The following MYO5B variants were observed in gnomAD, a reference collection of about 807,000 sequenced individuals.
The protein encoded by MYO5B is myosin VB, also known as unconventional myosin-Vb.
MYO5B carries 143 observed loss-of-function variants against 229.3 expected under a neutral mutation model. That is an observed-to-expected ratio of 0.62 (90% CI 0.54 to 0.72). The LOEUF (loss-of-function observed/expected upper bound fraction) is 0.72, where lower values mean the gene tolerates loss of function less well. Ranked by LOEUF, MYO5B falls within the 30% of genes least tolerant of loss-of-function variation. MYO5B has a pLI of 0.00. For missense variants in MYO5B, 2,321 were observed against 2,331.0 expected (o/e 1.00, Z 0.09); for synonymous variants, 918 against 885.2 (o/e 1.04, Z -0.66).
chr18:50,174,622 G>C (rs1227676941), intron 1 of MYO5B, among the ~76,000 whole-genome samples: 1 of 152,170 alleles, frequency 6.6e-6, no homozygotes, highest in Non-Finnish European at 1.5e-5. Context: ...CTGTTAAGAA[G>C]AGACTCCTGA....
At chr18:49,933,284 T>C (rs1176042898) in intron 16 of MYO5B, among the ~76,000 whole-genome samples, 1 of 152,198 alleles carries the variant, frequency 6.6e-6, no homozygotes, top group Non-Finnish European at 1.5e-5. Context: ...AGGCCACTGC[T>C]GCTCTGGATA....
intron 5 of MYO5B, among the ~76,000 whole-genome samples, chr18:49,997,662 C>G (rs2026004045): frequency 6.6e-6 from 1 of 152,144 alleles, no homozygotes; most frequent in African/African-American, 2.4e-5. Context: ...TTAAACAGAA[C>G]AGGGTCAGAG....
At chr18:49,830,574 G>C (rs2023903693) in intron 39 of MYO5B, among the ~76,000 whole-genome samples, 1 of 152,152 alleles carries the variant, frequency 6.6e-6, no homozygotes, top group Admixed American at 6.5e-5. Flanking sequence ...TTGGCCAGGT[G>C]CAATGGCTCA....
chr18:50,071,447 C>T (rs1030887258), intron 1 of MYO5B, among the ~76,000 whole-genome samples: 11 of 152,152 alleles, frequency 7.2e-5, no homozygotes, highest in African/African-American at 1.9e-4. Context: ...GCTGAATGGA[C>T]GGACGCGTGC....
chr18:49,945,056 G>A (rs1420675709), intron 14 of MYO5B, among the ~76,000 whole-genome samples: 1 of 152,178 alleles, frequency 6.6e-6, no homozygotes, highest in Non-Finnish European at 1.5e-5. Flanking sequence ...CTGACACTTA[G>A]CAGTTCTGCT....
At chr18:49,992,250 T>C in intron 6 of MYO5B, 38 bp downstream of exon 6, 1 of 1,612,638 alleles carries the variant, frequency 6.2e-7, no homozygotes, top group South Asian at 1.1e-5. Flanking sequence ...TAATTGTCCA[T>C]GAGAAATACA....
chr18:50,141,423 G>T (rs907715846), intron 1 of MYO5B, among the ~76,000 whole-genome samples: 3 of 152,182 alleles, frequency 2.0e-5, no homozygotes, highest in African/African-American at 7.2e-5. Flanking sequence ...TGTTCTGCAG[G>T]AGTTGTCATG....
chr18:50,001,439 A>G, intron 4 of MYO5B, 28 bp from the exon 5 acceptor site: 1 of 1,613,754 alleles, frequency 6.2e-7, no homozygotes, highest in Non-Finnish European at 8.5e-7. Flanking sequence ...CTGATAAGTC[A>G]TTGGCCATGG....
chr18:49,837,512 C>G lies in MYO5B; in HGVS notation c.5138+5G>C. 1 of 1,613,180 alleles carries G rather than the reference C, an allele frequency of 6.2e-7. No homozygotes were observed. The highest frequency in any genetic ancestry group is 8.5e-7 in the Non-Finnish European group (1 of 1,179,518). On this transcript the variant is annotated splice_donor_5th_base_variant and intron_variant, in intron 37 of 39. Transcript: ENST00000285039. ...CTGTGTTGTTGGGGGGTGCTCCTCC[C>G]TTACCTGAGTTGCATGCCTGTGCTC...
chr18:49,936,018 A>G (rs1054463187), intron 16 of MYO5B, among the ~76,000 whole-genome samples: 4 of 152,212 alleles, frequency 2.6e-5, no homozygotes, highest in African/African-American at 9.6e-5. Flanking sequence ...CACATTCCTG[A>G]CCACCACTAT....
intron 1 of MYO5B, among the ~76,000 whole-genome samples, chr18:50,112,995 G>T (rs1193105905): frequency 6.6e-6 from 1 of 152,134 alleles, no homozygotes; most frequent in East Asian, 1.9e-4. Flanking sequence ...AGGTTACATG[G>T]ACGTTGAGTG....
At chr18:50,020,994 C>G (rs959253740) in intron 4 of MYO5B, among the ~76,000 whole-genome samples, 2 of 152,194 alleles carry the variant, frequency 1.3e-5, no homozygotes, top group Non-Finnish European at 2.9e-5. Context: ...GTCTACCCAG[C>G]AGCTGCCCAC....
In MYO5B at chr18:50,041,871, T is replaced by C. The variant is rs192550533; in HGVS notation, c.139-1557A>G. ...AAAAGGAGACAGCGATTCTTCATCA[T>C]ACAATGGAATTCCTAATCTTAATAT... On this transcript the variant is annotated intron_variant, in intron 2 of 39. Coordinates refer to ENST00000285039, the MANE Select transcript of MYO5B (RefSeq NM_001080467.3). 4.6e-5 allele frequency among the ~76,000 whole-genome samples: 7 copies of C among 152,288 alleles called. No individual in the cohort carries two copies. In the East Asian group the frequency reaches 1.3e-3, roughly 29 times the overall value.
chr18:49,920,572 A>T lies in MYO5B; in HGVS notation c.2091-8399T>A, dbSNP rs183246077. On this transcript the variant is annotated intron_variant, in intron 17 of 39. Coordinates refer to ENST00000285039, the MANE Select transcript of MYO5B (RefSeq NM_001080467.3). ...TGAAGCCTGCAGAACTTTGTTGCAGAGGGAAGGAAACACAATTCCTCCCCA... is the reference window on the plus strand; with the variant it reads ...TGAAGCCTGCAGAACTTTGTTGCAGTGGGAAGGAAACACAATTCCTCCCCA... Among the ~76,000 whole-genome samples the T allele has an allele frequency of 3.9e-3, 591 of 152,248 alleles. 1 individual carries two copies. The highest frequency in any genetic ancestry group is 6.8e-3 in the Middle Eastern group (2 of 294).
intron 39 of MYO5B, 40 bp downstream of exon 39, chr18:49,835,304 C>T (rs368799247): frequency 1.1e-4 from 155 of 1,445,146 alleles, no homozygotes; most frequent in South Asian, 1.6e-4. Context: ...CCTTTATAGT[C>T]GTAGACTGGA....
chr18:49,883,672 C>G (rs1617597), intron 22 of MYO5B, among the ~76,000 whole-genome samples: 121,208 of 151,764 alleles, frequency 0.8, 48,555 homozygotes, highest in East Asian at 0.95. Flanking sequence ...AATACCCAAA[C>G]GATCTTGAAG....
intron 16 of MYO5B, among the ~76,000 whole-genome samples, chr18:49,935,270 A>G (rs752185105): frequency 2.6e-5 from 4 of 152,186 alleles, no homozygotes; most frequent in Non-Finnish European, 5.9e-5. Flanking sequence ...GGGGTATCCA[A>G]AATAAATTAA....
chr18:50,123,832 C>T (rs1273812243), intron 1 of MYO5B, among the ~76,000 whole-genome samples: 1 of 152,164 alleles, frequency 6.6e-6, no homozygotes, highest in Non-Finnish European at 1.5e-5. Flanking sequence ...CGTAAAACAC[C>T]AGACAATGCT....
At chr18:49,963,152 T>C (rs564141625) in intron 10 of MYO5B, 122 bp from the exon 11 acceptor site, 153 of 792,946 alleles carry the variant, frequency 1.9e-4, no homozygotes, top group Admixed American at 1.1e-3. Context: ...CATTGTCTCA[T>C]CTTGTGTTCA....
Sources: allele counts gnomAD v4.1 joint callset (sites outside exome capture counted in the v4.1 genomes callset), GRCh38; gene constraint gnomAD v4.1.1; transcripts MANE v1.5; gene names NCBI Gene and HGNC (gene_info 2026-07-23, HGNC 2026-07-21).